The following CEP162 variants were observed in gnomAD, a reference collection of about 807,000 sequenced individuals.
CEP162 encodes the protein centrosomal protein of 162 kDa.
Under a neutral mutation model 169.2 loss-of-function variants are expected in CEP162, and 141 were observed. The ratio of observed to expected loss-of-function variants is 0.83; its 90% CI spans 0.73 to 0.96. CEP162 has a LOEUF of 0.96. Among genes scored for constraint, CEP162 ranks in the 40% least tolerant of loss-of-function variants. CEP162 has a pLI of 0.00. For missense variants in CEP162, 1,600 were observed against 1,587.2 expected, an observed-to-expected ratio of 1.01 and a Z score of -0.14; for synonymous variants, 540 against 526.4, an observed-to-expected ratio of 1.03 and a Z score of -0.35.
chr6:84,199,029 G>C (rs1468307622), intron 9 of CEP162, among the ~76,000 whole-genome samples: 2 of 152,104 alleles, frequency 1.3e-5, no homozygotes, highest in Non-Finnish European at 2.9e-5. Context: ...GCTCATCTCA[G>C]AATAAAGTTT....
rs147309702 is a variant in CEP162, at chr6:84,183,498, T to C, written c.1663+1689A>G. Among the ~76,000 whole-genome samples the C allele has an allele frequency of 5.7e-3, 874 of 152,226 alleles. 41 individuals are homozygous for C. The highest frequency in any genetic ancestry group is 0.051 in the Admixed American group (773 of 15,282). ...CATTCCCTCATCTAATCACCTACTA[T>C]GACTATCATCTTTGTTTTGCCACCT... On this transcript the variant is annotated intron_variant, in intron 13 of 26. Transcript: ENST00000403245.
intron 13 of CEP162, among the ~76,000 whole-genome samples, chr6:84,179,015 A>G (rs1189747628): frequency 6.6e-6 from 1 of 152,154 alleles, no homozygotes; most frequent in Non-Finnish European, 1.5e-5. Context: ...GCTGCATAGT[A>G]TTCCATGGTG....
At chr6:84,189,520 G>A (rs1050421578) in intron 11 of CEP162, among the ~76,000 whole-genome samples, 2 of 152,214 alleles carry the variant, frequency 1.3e-5, no homozygotes, top group Non-Finnish European at 2.9e-5. Context: ...CGGGCCAGTG[G>A]CTGCAGAGGG....
rs6911426 is a variant in CEP162 at position 84,226,524 on chromosome 6, C to T, written c.-59-72G>A. 11,826 of 687,238 alleles carry T rather than the reference C, an allele frequency of 0.017. 1,034 individuals carry two copies. The African/African-American group carries it at 0.19, about 11-fold the overall frequency. The allele number at this position is 687,238 out of a possible 1,614,324, so 42.6% of individuals were successfully genotyped here. ...CATGAACACGACCAGACTTAAACTT[C>T]GGACATTTGTTATGATTCAGTATAT... On this transcript the variant is annotated intron_variant, in intron 1 of 26. Coordinates refer to ENST00000403245, the MANE Select transcript of CEP162 (RefSeq NM_014895.4).
chr6:84,135,341 C>T (rs890410936), intron 25 of CEP162, among the ~76,000 whole-genome samples: 1 of 152,162 alleles, frequency 6.6e-6, no homozygotes, highest in Non-Finnish European at 1.5e-5. Context: ...GATGATGTCA[C>T]TTAAAGGTGA....
In CEP162 at chr6:84,211,278, C is replaced by T. The variant is rs2099549311; in HGVS notation, c.571+1679G>A. 2.6e-5 allele frequency among the ~76,000 whole-genome samples: 4 copies of T among 151,022 alleles called. No homozygotes were observed. In the Middle Eastern group the frequency reaches 0.01, roughly 391 times the overall value. On this transcript the variant is annotated intron_variant, in intron 6 of 26. Transcript: ENST00000403245. ...GCATGGTGGCTCATGCCTGTAATCCCAGCACTTTGGGAGGTCAAGGCAGGC... is the reference window on the plus strand; with the variant it reads ...GCATGGTGGCTCATGCCTGTAATCCTAGCACTTTGGGAGGTCAAGGCAGGC...
chr6:84,186,342 T>C lies in CEP162; in HGVS notation c.1391A>G (p.Lys464Arg), dbSNP rs143151176. The C allele has an allele frequency of 2.0e-5, 28 of 1,404,842 alleles. No homozygotes were observed. The African/African-American group carries it at 2.6e-4, about 13-fold the overall frequency. The allele number at this position is 1,404,842 out of a possible 1,614,324, so 87.0% of individuals were successfully genotyped here. ...ATGATAAATACTTACTTTATTAATT[T>C]TGTCATCCTGAGATAATGATGAAGA... ...VNSSSLSQDD[K>R]INKTYRSQLS... Residue 464 changes from lysine to arginine, a missense_variant, in exon 12 of 27, where the codon AAA (lysine) becomes AGA (arginine). Physicochemically the swap from Lys to Arg is conservative, Grantham distance 26. Coordinates refer to ENST00000403245, the MANE Select transcript of CEP162 (RefSeq NM_014895.4).
intron 17 of CEP162, among the ~76,000 whole-genome samples, chr6:84,170,863 C>T (rs1354253457): frequency 6.6e-6 from 1 of 152,154 alleles, no homozygotes; most frequent in Non-Finnish European, 1.5e-5. Flanking sequence ...GGTGCTGGTG[C>T]TCCATAACCC....
chr6:84,173,274 A>C (rs890834325), intron 16 of CEP162, among the ~76,000 whole-genome samples: 1 of 152,208 alleles, frequency 6.6e-6, no homozygotes, highest in Non-Finnish European at 1.5e-5. Context: ...GCTATATCCC[A>C]ATAAGGCCAA....
At position 84,215,298 on chromosome 6, in the gene CEP162, A is replaced by G; in HGVS notation, c.487T>C (p.Phe163Leu). 1 of 1,575,758 alleles carries G rather than the reference A, an allele frequency of 6.3e-7. No homozygotes were observed. The highest frequency in any genetic ancestry group is 8.7e-7 in the Non-Finnish European group (1 of 1,154,940). ...KELDSNDSTH[F>L]KALHSNQANA... ...GTACTTTACCTATGTAAAGCTTTAA[A>G]ATGTGTAGAGTCATTAGAATCCAAT... The change falls in exon 5 of 27, where the codon TTT becomes CTT. Residue 163 changes from phenylalanine (F) to leucine (L), a missense_variant. By Grantham distance (22) the Phe-to-Leu change is conservative. Transcript: ENST00000403245.
intron 6 of CEP162, among the ~76,000 whole-genome samples, chr6:84,210,434 C>G (rs976611100): frequency 1.3e-5 from 2 of 152,126 alleles, no homozygotes; most frequent in Non-Finnish European, 1.5e-5. Context: ...TATTAGACAA[C>G]TGGCAGCAAA....
intron 22 of CEP162, among the ~76,000 whole-genome samples, chr6:84,154,606 A>G (rs2099522447): frequency 6.6e-6 from 1 of 152,184 alleles, no homozygotes; most frequent in South Asian, 2.1e-4. Context: ...TCTGCAAAAT[A>G]GTGTTAACAG....
In CEP162 at chr6:84,197,253, A is replaced by G. The variant is rs905868168; in HGVS notation, c.836-2178T>C. ...CTAAAAGTTAGAAATGAGAAATGGA[A>G]AAAAAAAAAGGAGGTAGGAGAGGCT... On this transcript the variant is annotated intron_variant, in intron 9 of 26. Coordinates refer to ENST00000403245, the MANE Select transcript of CEP162 (RefSeq NM_014895.4). Among the ~76,000 whole-genome samples the G allele has an allele frequency of 4.7e-5, 7 of 149,728 alleles. No homozygotes were observed. The East Asian group carries it at 1.4e-3, about 29-fold the overall frequency.
chr6:84,133,933 A>G (rs1377076258), intron 25 of CEP162, among the ~76,000 whole-genome samples: 2 of 152,096 alleles, frequency 1.3e-5, no homozygotes, highest in African/African-American at 4.8e-5. Flanking sequence ...CACCCATCTT[A>G]TGAGTCGCTC....
chr6:84,180,183 G>A (rs1008487373), intron 13 of CEP162, among the ~76,000 whole-genome samples: 1 of 152,092 alleles, frequency 6.6e-6, no homozygotes, highest in African/African-American at 2.4e-5. Context: ...TGCAAGGAGG[G>A]TTCAACGTAC....
At chr6:84,161,693 T>G (rs2099525845) in intron 20 of CEP162, 53 bp downstream of exon 20, 1 of 1,258,468 alleles carries the variant, frequency 7.9e-7, no homozygotes, top group Admixed American at 2.4e-5. Flanking sequence ...CAACAGATAT[T>G]ACGGACAAAA....
intron 6 of CEP162, among the ~76,000 whole-genome samples, chr6:84,207,130 A>G (rs1247469507): frequency 6.6e-6 from 1 of 152,232 alleles, no homozygotes; most frequent in South Asian, 2.1e-4. Context: ...GTAGAAGTGT[A>G]AACTAGTTCA....
chr6:84,180,247 A>G (rs2099534198), intron 13 of CEP162, among the ~76,000 whole-genome samples: 1 of 152,112 alleles, frequency 6.6e-6, no homozygotes, highest in African/African-American at 2.4e-5. Flanking sequence ...CAAAAACCAC[A>G]TGATTATCTC....
At position 84,180,901 on chromosome 6, in the gene CEP162, G is replaced by A. The variant is rs555361820; in HGVS notation, c.1663+4286C>T. On this transcript the variant is annotated intron_variant, in intron 13 of 26. Transcript: ENST00000403245. ...CTCATGGATAGGAAGAATCAATATCGTGAAAATGGCCATACTGCCCAAGGT... is the reference window on the plus strand; with the variant it reads ...CTCATGGATAGGAAGAATCAATATCATGAAAATGGCCATACTGCCCAAGGT... Among the ~76,000 whole-genome samples, 68 of 152,234 alleles carry A rather than the reference G, an allele frequency of 4.5e-4. 1 individual carries two copies. Among genetic ancestry groups the A allele is most frequent in the Admixed American group, 3.1e-3 (47 of 15,286 alleles).
Sources: allele counts gnomAD v4.1 joint callset (sites outside exome capture counted in the v4.1 genomes callset), GRCh38; gene constraint gnomAD v4.1.1; transcripts MANE v1.5; gene names NCBI Gene and HGNC (gene_info 2026-07-23, HGNC 2026-07-21).